PPP2R2C: variants seen among roughly 807,000 people sequenced by gnomAD.
PPP2R2C encodes protein phosphatase 2, regulatory subunit B, gamma.
In PPP2R2C, 10 loss-of-function variants were observed where a neutral mutation model predicts 45.3. That is an observed-to-expected ratio of 0.22 (90% CI 0.14 to 0.37). PPP2R2C has a LOEUF of 0.37. Among genes scored for constraint, PPP2R2C ranks in the 10% least tolerant of loss-of-function variants. The probability of loss-of-function intolerance (pLI) is 1.00; values close to 1 mark genes in which losing one functional copy is unlikely to be tolerated. For missense variants in PPP2R2C, 308 were observed against 619.7 expected (o/e 0.50, Z 5.34); for synonymous variants, 257 against 245.4 (o/e 1.05, Z -0.44).
At chr4:6,453,033 G>A (rs1222587486) in intron 1 of PPP2R2C, among the ~76,000 whole-genome samples, 1 of 152,212 alleles carries the variant, frequency 6.6e-6, no homozygotes, top group East Asian at 1.9e-4. Flanking sequence ...CTGGGATGCT[G>A]AGAGCCAGGA....
chr4:6,462,886 T>C (rs1372736172), intron 1 of PPP2R2C, among the ~76,000 whole-genome samples: 1 of 152,190 alleles, frequency 6.6e-6, no homozygotes, highest in South Asian at 2.1e-4. Flanking sequence ...AGCAGTTCAA[T>C]AGACTATTTT....
intron 1 of PPP2R2C, among the ~76,000 whole-genome samples, chr4:6,470,125 GCAGGATT>G (rs1015778062): frequency 6.6e-6 from 1 of 152,202 alleles, no homozygotes; most frequent in Admixed American, 6.5e-5. Context: ...GACCCTGTAG[GCAGGATT>G]CACTCCCATT....
intron 2 of PPP2R2C, among the ~76,000 whole-genome samples, chr4:6,479,052 T>C (rs1266515767): frequency 1.3e-5 from 2 of 152,192 alleles, no homozygotes; most frequent in South Asian, 2.1e-4. Flanking sequence ...CCCTCCAGGA[T>C]GGGGCTGCTA....
chr4:6,558,622 C>G (rs920230535), intron 1 of PPP2R2C, among the ~76,000 whole-genome samples: 7 of 152,224 alleles, frequency 4.6e-5, no homozygotes, highest in Non-Finnish European at 8.8e-5. Flanking sequence ...CAGAAAGATT[C>G]TTTGGCAGCC....
chr4:6,338,824 G>A lies in PPP2R2C; in HGVS notation c.791-5093C>T, dbSNP rs527726950. On this transcript the variant is annotated intron_variant, in intron 6 of 8. Transcript: ENST00000382599. Reference sequence around the variant, plus strand: ...CCCTGCCTCCCGTAGCCCCTGCCCCGCCATGTGCTGGGCAGAGAGCAGAAT... The same window carrying A: ...CCCTGCCTCCCGTAGCCCCTGCCCCACCATGTGCTGGGCAGAGAGCAGAAT... Among the ~76,000 whole-genome samples, 24 of 152,228 alleles carry A rather than the reference G, an allele frequency of 1.6e-4. No individual in the cohort carries two copies. In the South Asian group the frequency reaches 1.9e-3, roughly 12 times the overall value.
chr4:6,536,572 A>C (rs1289269205), intron 1 of PPP2R2C, among the ~76,000 whole-genome samples: 1 of 152,274 alleles, frequency 6.6e-6, no homozygotes, highest in Non-Finnish European at 1.5e-5. Context: ...GACCAAAAAA[A>C]GGCCCTGTGG....
intron 1 of PPP2R2C, among the ~76,000 whole-genome samples, chr4:6,392,571 CT>C (rs1344943419): frequency 6.6e-6 from 1 of 152,116 alleles, no homozygotes; most frequent in Non-Finnish European, 1.5e-5. Flanking sequence ...AGCAAAGGCC[CT>C]GAGGTAGGGT....
At chr4:6,478,894 C>G (rs374625549) in intron 2 of PPP2R2C, among the ~76,000 whole-genome samples, 2 of 152,324 alleles carry the variant, frequency 1.3e-5, no homozygotes, top group South Asian at 2.1e-4. Context: ...GCAGAGGTAA[C>G]AGAGAGAGAC....
intron 1 of PPP2R2C, 44 bp from the exon 2 acceptor site, chr4:6,381,138 C>G (rs772266494): frequency 7.5e-5 from 116 of 1,554,096 alleles, no homozygotes; most frequent in Non-Finnish European, 1.0e-4. Flanking sequence ...CTGTCAGAAC[C>G]CGCCTCTCCC....
At chr4:6,461,931 G>A (rs141010283) in intron 1 of PPP2R2C, among the ~76,000 whole-genome samples, 111 of 152,326 alleles carry the variant, frequency 7.3e-4, no homozygotes, top group Non-Finnish European at 1.3e-3. Flanking sequence ...CAGGCCCACG[G>A]AGCACGTGGC....
At chr4:6,477,325 A>T (rs1207679447), upstream of PPP2R2C, among the ~76,000 whole-genome samples, 1 of 152,170 alleles carries the variant, frequency 6.6e-6, no homozygotes, top group Admixed American at 6.5e-5. Flanking sequence ...CAGTTTACCA[A>T]AGAGGTAACA....
At position 6,562,468 on chromosome 4, in the gene PPP2R2C, C is replaced by CGGG. The variant is rs201107217; in HGVS notation, c.-59+1089_-59+1091dup. ...TAATGTGGGGAGGATTCAACGGAGT[C>CGGG]GGGGGGGGGGGTTGGATATTTGAAA... On this transcript the variant is annotated intron_variant, in intron 1 of 9. Coordinates refer to the PPP2R2C transcript ENST00000506140. Among the ~76,000 whole-genome samples, 87 of 93,174 alleles carry CGGG rather than the reference C, an allele frequency of 9.3e-4. 1 individual carries two copies. The highest frequency in any genetic ancestry group is 3.2e-3 in the African/African-American group (66 of 20,566). The allele number at this position is 93,174 out of a possible 152,430, so 61.1% of individuals were successfully genotyped here.
At chr4:6,443,272 A>T (rs1720244626) in intron 1 of PPP2R2C, among the ~76,000 whole-genome samples, 1 of 152,290 alleles carries the variant, frequency 6.6e-6, no homozygotes, top group South Asian at 2.1e-4. Context: ...CCTTAATAGG[A>T]TTAGTGTCAT....
upstream of PPP2R2C, among the ~76,000 whole-genome samples, chr4:6,475,693 G>A (rs1255256920): frequency 6.6e-6 from 1 of 152,212 alleles, no homozygotes; most frequent in Non-Finnish European, 1.5e-5. Flanking sequence ...CTTCTCAGCA[G>A]GTTTACATGC....
intron 8 of PPP2R2C, among the ~76,000 whole-genome samples, chr4:6,323,993 C>A (rs1235234923): frequency 6.6e-6 from 1 of 152,156 alleles, no homozygotes; most frequent in East Asian, 1.9e-4. Context: ...AGAGCCATCA[C>A]TCCCTGGAAA....
chr4:6,328,079 C>T lies in PPP2R2C; in HGVS notation c.1052+1183G>A, dbSNP rs1265541035. On this transcript the variant is annotated intron_variant, in intron 8 of 8. Coordinates refer to ENST00000382599, the MANE Select transcript of PPP2R2C (RefSeq NM_020416.4). This position sits in a 1 kb window ranked among gnomAD's most constrained non-coding sequence, Gnocchi z 4.4. ...CTCACATGACCACCACAGTGCCAGC[C>T]ACCCTCAGAGGTCTGGGAGAGCCCA... Among the ~76,000 whole-genome samples, 1 of 152,128 alleles carries T rather than the reference C, an allele frequency of 6.6e-6. No individual in the cohort carries two copies. The highest frequency in any genetic ancestry group is 1.5e-5 in the Non-Finnish European group (1 of 68,016).
intron 1 of PPP2R2C, among the ~76,000 whole-genome samples, chr4:6,539,310 C>T (rs1312184796): frequency 1.3e-5 from 2 of 152,126 alleles, no homozygotes; most frequent in African/African-American, 4.8e-5. Context: ...GGGACAGATT[C>T]CCCCCATAAC....
Position 6,329,377 on chromosome 4 carries a change from A to G in PPP2R2C, c.961-24T>C, listed in dbSNP as rs937153622. 6.3e-7 allele frequency: 1 copy of G among 1,599,842 alleles called. No individual in the cohort carries two copies. Among genetic ancestry groups the G allele is most frequent in the African/African-American group, 1.3e-5 (1 of 74,624 alleles). ...ACCTGGTGGGATAAGGGATGAGGTG[A>G]GTGGACGGGGCGTCCCGACCATCCT... is the stretch of plus-strand genomic sequence containing the variant. On this transcript the variant is annotated intron_variant, in intron 7 of 8. Coordinates refer to ENST00000382599, the MANE Select transcript of PPP2R2C (RefSeq NM_020416.4). The surrounding 1 kb of genome is among the most constrained non-coding windows in gnomAD (Gnocchi z 5.8).
At chr4:6,479,946 A>T (rs1036626838) in intron 2 of PPP2R2C, among the ~76,000 whole-genome samples, 9 of 151,962 alleles carry the variant, frequency 5.9e-5, no homozygotes, top group African/African-American at 1.9e-4. Context: ...CCTGGACTCA[A>T]GCAATCCTCT....
Sources: allele counts gnomAD v4.1 joint callset (sites outside exome capture counted in the v4.1 genomes callset), GRCh38; gene constraint gnomAD v4.1.1; non-coding constraint Gnocchi (gnomAD v3.1); transcripts MANE v1.5; gene names NCBI Gene and HGNC (gene_info 2026-07-23, HGNC 2026-07-21).